Variants in AK9 observed in about 807,000 individuals in gnomAD.
AK9 encodes adenylate kinase domain containing 1.
Under a neutral mutation model 239.6 loss-of-function variants are expected in AK9, and 191 were observed. The observed-to-expected ratio is 0.80, with a 90% CI of 0.71 to 0.90. The LOEUF (loss-of-function observed/expected upper bound fraction) is 0.90. Among genes scored for constraint, AK9 ranks in the 40% least tolerant of loss-of-function variants. The pLI, the probability that AK9 is intolerant of heterozygous loss-of-function variation, is 0.00. For synonymous variants in AK9, 689 were observed against 721.0 expected (o/e 0.96, Z 0.71); for missense variants, 1,995 against 2,214.7 (o/e 0.90, Z 1.99).
At chr6:109,617,456 T>TG (rs35999714) in intron 13 of AK9, among the ~76,000 whole-genome samples, 89,618 of 151,744 alleles carry the variant, frequency 0.59, 27,910 homozygotes, top group South Asian at 0.84. Context: ...TATTAAAAGT[T>TG]TACTATAAAT....
At chr6:109,644,490 G>T in intron 9 of AK9, 124 bp downstream of exon 9, 1 of 796,286 alleles carries the variant, frequency 1.3e-6, no homozygotes, top group Non-Finnish European at 1.9e-6. Context: ...TGTTAAGACA[G>T]ATTGTTCAAA....
intron 26 of AK9, among the ~76,000 whole-genome samples, chr6:109,543,367 A>G (rs371550335): frequency 2.0e-4 from 31 of 152,154 alleles, no homozygotes; most frequent in African/African-American, 7.0e-4. Flanking sequence ...AAAGAAAACC[A>G]AACAAAAAAC....
chr6:109,497,670 GAAGA>G (rs1777216635), intron 37 of AK9, 107 bp from the exon 38 acceptor site: 1 of 1,359,556 alleles, frequency 7.4e-7, no homozygotes, highest in African/African-American at 1.5e-5. Context: ...GTAGCTCAAG[GAAGA>G]AATAGAATAT....
intron 27 of AK9, among the ~76,000 whole-genome samples, chr6:109,538,895 T>G (rs1293526581): frequency 9.2e-5 from 14 of 152,340 alleles, no homozygotes; most frequent in Admixed American, 6.5e-4. Context: ...AAATTCTGGG[T>G]TGAAAATTCT....
intron 27 of AK9, among the ~76,000 whole-genome samples, chr6:109,535,787 A>G (rs1166476908): frequency 2.6e-5 from 4 of 152,054 alleles, no homozygotes; most frequent in African/African-American, 7.2e-5. Flanking sequence ...TTTGTATAAG[A>G]TGTAAAGAAG....
intron 24 of AK9, among the ~76,000 whole-genome samples, chr6:109,553,333 G>A (rs189068632): frequency 1.5e-4 from 23 of 152,286 alleles, no homozygotes; most frequent in Admixed American, 1.3e-3. Context: ...TCCTATCCAT[G>A]AGGATGGAAA....
At chr6:109,620,171 C>A (rs1794645071) in intron 12 of AK9, among the ~76,000 whole-genome samples, 1 of 152,082 alleles carries the variant, frequency 6.6e-6, no homozygotes, top group Non-Finnish European at 1.5e-5. Flanking sequence ...TGGGTAAATA[C>A]CTAGGAGTGA....
intron 12 of AK9, among the ~76,000 whole-genome samples, chr6:109,622,523 A>G (rs1794999928): frequency 1.9e-5 from 1 of 53,022 alleles, no homozygotes; most frequent in Non-Finnish European, 2.8e-5. Flanking sequence ...AATCAGGATA[A>G]TACAATAATA....
intron 21 of AK9, 109 bp from the exon 22 acceptor site, chr6:109,564,954 TGC>T: frequency 1.2e-6 from 1 of 809,246 alleles, no homozygotes; most frequent in South Asian, 2.5e-5. Flanking sequence ...GTATATGAAA[TGC>T]CTAATAGAAA....
At chr6:109,618,259 C>T (rs531038022) in intron 13 of AK9, among the ~76,000 whole-genome samples, 10 of 152,062 alleles carry the variant, frequency 6.6e-5, no homozygotes, top group Admixed American at 1.3e-4. Context: ...GGAAATGTTG[C>T]ATTAAGGACA....
chr6:109,501,593 A>G (rs546739837), intron 35 of AK9, among the ~76,000 whole-genome samples: 16 of 152,310 alleles, frequency 1.1e-4, no homozygotes, highest in African/African-American at 3.8e-4. Context: ...TCCTCTATTC[A>G]TCTCTTGCAG....
intron 21 of AK9, among the ~76,000 whole-genome samples, chr6:109,567,979 AGAGAATTTTAGAC>A (rs1390427435): frequency 6.6e-6 from 1 of 152,150 alleles, no homozygotes; most frequent in Admixed American, 6.5e-5. Context: ...CAACAAAAAA[AGAGAATTTTAGAC>A]CAATGTCCCT....
At chr6:109,665,871 C>T (rs1801115521) in intron 5 of AK9, among the ~76,000 whole-genome samples, 1 of 152,232 alleles carries the variant, frequency 6.6e-6, no homozygotes, top group Non-Finnish European at 1.5e-5. Context: ...ATGCTTGGCA[C>T]TGTTTGCTGT....
intron 1 of AK9, among the ~76,000 whole-genome samples, chr6:109,686,452 C>T (rs1470708717): frequency 1.3e-5 from 2 of 152,154 alleles, no homozygotes; most frequent in South Asian, 4.1e-4. Context: ...ATAAAGCGCA[C>T]TAAAGAATAC....
intron 24 of AK9, among the ~76,000 whole-genome samples, chr6:109,554,517 TTTC>T (rs1211555715): frequency 7.5e-6 from 1 of 133,222 alleles, no homozygotes; most frequent in East Asian, 2.5e-4. Context: ...GCAGTTTGTA[TTTC>T]TTTTCTTTTT....
chr6:109,497,420 T>A, intron 38 of AK9, 45 bp downstream of exon 38: 10 of 1,201,584 alleles, frequency 8.3e-6, no homozygotes, highest in East Asian at 2.7e-5. Flanking sequence ...GCATGTTGCA[T>A]GCAACACAGA....
chr6:109,665,637 C>T (rs1801084158), intron 5 of AK9, among the ~76,000 whole-genome samples: 1 of 152,190 alleles, frequency 6.6e-6, no homozygotes, highest in South Asian at 2.1e-4. Flanking sequence ...CCTGGTCTGA[C>T]ACATTGTGAT....
chr6:109,495,192 T>C, intron 39 of AK9, 146 bp downstream of exon 39: 2 of 596,488 alleles, frequency 3.4e-6, no homozygotes, highest in Non-Finnish European at 5.4e-6. Flanking sequence ...CCACTACATA[T>C]AAACAAAATA....
chr6:109,512,409 C>T (rs999572888), intron 32 of AK9, among the ~76,000 whole-genome samples: 7 of 152,162 alleles, frequency 4.6e-5, no homozygotes, highest in Non-Finnish European at 1.0e-4. Flanking sequence ...GTAGCCATTC[C>T]TTCACTTTCC....
Sources: gnomAD v4.1 joint callset for allele counts (sites outside exome capture counted in the v4.1 genomes callset) on GRCh38, gnomAD v4.1.1 for gene constraint, MANE v1.5 for transcripts, NCBI Gene and HGNC (gene_info 2026-07-23, HGNC 2026-07-21) for gene names.